GRID2: variants seen among roughly 807,000 people sequenced by gnomAD.
GRID2 encodes glutamate ionotropic receptor delta type subunit 2.
Under a neutral mutation model 114.8 loss-of-function variants are expected in GRID2, and 33 were observed. That is an observed-to-expected ratio of 0.29 (90% CI 0.22 to 0.38). The LOEUF (loss-of-function observed/expected upper bound fraction) is 0.38. Among genes scored for constraint, GRID2 ranks in the 10% least tolerant of loss-of-function variants. The pLI is 1.00. For missense variants in GRID2, 1,184 were observed against 1,257.7 expected (o/e 0.94, Z 0.89); for synonymous variants, 505 against 449.9 (o/e 1.12, Z -1.55).
At chr4:93,302,693 A>G (rs1755005421) in intron 8 of GRID2, 1 of 425,146 alleles carries the variant, frequency 2.4e-6, no homozygotes, top group Non-Finnish European at 4.7e-6. Context: ...AGGCTACTTT[A>G]TTGAAAGTGG....
chr4:93,366,856 A>G (rs911433083), intron 8 of GRID2, among the ~76,000 whole-genome samples: 1 of 152,042 alleles, frequency 6.6e-6, no homozygotes, highest in Non-Finnish European at 1.5e-5. Flanking sequence ...AAAATATATT[A>G]TATAGGGAGA....
intron 8 of GRID2, among the ~76,000 whole-genome samples, chr4:93,370,967 T>C (rs1410892898): frequency 6.6e-6 from 1 of 152,194 alleles, no homozygotes; most frequent in Admixed American, 6.5e-5. Context: ...TATATCTGTT[T>C]TATAATCATA....
intron 13 of GRID2, among the ~76,000 whole-genome samples, chr4:93,618,747 C>T (rs1191862070): frequency 1.3e-5 from 2 of 152,220 alleles, no homozygotes; most frequent in Non-Finnish European, 2.9e-5. Context: ...GCAGGTTGCA[C>T]TTGTTTTCGC....
At chr4:92,457,246 GA>G (rs1269979346) in intron 1 of GRID2, among the ~76,000 whole-genome samples, 2 of 152,018 alleles carry the variant, frequency 1.3e-5, no homozygotes, top group African/African-American at 4.8e-5. Flanking sequence ...TTACCCATAT[GA>G]AAAATCACTG....
chr4:92,527,246 A>G (rs966816005), intron 1 of GRID2, among the ~76,000 whole-genome samples: 2 of 152,138 alleles, frequency 1.3e-5, no homozygotes, highest in African/African-American at 4.8e-5. Context: ...ATTTGAATAA[A>G]TGATTCTGAT....
chr4:93,274,306 C>T (rs1258815539), intron 8 of GRID2, among the ~76,000 whole-genome samples: 1 of 152,022 alleles, frequency 6.6e-6, no homozygotes, highest in East Asian at 1.9e-4. Flanking sequence ...TTCGGTTACA[C>T]CAAAGGCACT....
intron 2 of GRID2, among the ~76,000 whole-genome samples, chr4:92,666,650 G>GTTTTTTGTTTTTTTT (rs1286942855): frequency 1.5e-4 from 10 of 68,600 alleles, no homozygotes; most frequent in African/African-American, 5.2e-4. Context: ...CTTAAGGGTT[G>GTTTTTTGTTTTTTTT]TTTTTTTTTT....
chr4:93,759,204 TGCTAATTTGATTTTTTAA>T (rs1733005773), intron 14 of GRID2, among the ~76,000 whole-genome samples: 1 of 152,186 alleles, frequency 6.6e-6, no homozygotes, highest in African/African-American at 2.4e-5. Context: ...TCCGTCATGT[TGCTAATTTGATTTTTTAA>T]GCAATTGCTT....
At chr4:92,740,626 T>C (rs1240073375) in intron 2 of GRID2, among the ~76,000 whole-genome samples, 1 of 152,182 alleles carries the variant, frequency 6.6e-6, no homozygotes, top group Non-Finnish European at 1.5e-5. Context: ...CTTTATTTTC[T>C]ACTAAATTTT....
intron 2 of GRID2, among the ~76,000 whole-genome samples, chr4:92,903,537 T>C (rs1747736428): frequency 6.6e-6 from 1 of 151,940 alleles, no homozygotes; most frequent in Non-Finnish European, 1.5e-5. Flanking sequence ...AAATTTCAAA[T>C]GGTTAAATGT....
chr4:93,755,507 A>G (rs1325902657), intron 14 of GRID2, among the ~76,000 whole-genome samples: 1 of 152,216 alleles, frequency 6.6e-6, no homozygotes, highest in African/African-American at 2.4e-5. Context: ...GATAGCTAAC[A>G]CTTCTAGCTT....
At chr4:92,685,867 C>T (rs919809375) in intron 2 of GRID2, among the ~76,000 whole-genome samples, 10 of 151,998 alleles carry the variant, frequency 6.6e-5, no homozygotes, top group Admixed American at 6.5e-4. Context: ...ATTTTCAAAA[C>T]AGTCCAACCC....
chr4:93,045,725 A>G (rs1284823405), intron 2 of GRID2, among the ~76,000 whole-genome samples: 1 of 152,150 alleles, frequency 6.6e-6, no homozygotes, highest in Non-Finnish European at 1.5e-5. Flanking sequence ...AGCGTTACAG[A>G]CCAAAATACC....
At chr4:93,729,413 C>T (rs956854677) in intron 14 of GRID2, among the ~76,000 whole-genome samples, 1 of 152,188 alleles carries the variant, frequency 6.6e-6, no homozygotes, top group Non-Finnish European at 1.5e-5. Flanking sequence ...ACTGGAATAA[C>T]ACCACCTCTA....
chr4:93,623,815 T>A (rs1412698817), intron 13 of GRID2, among the ~76,000 whole-genome samples: 1 of 152,188 alleles, frequency 6.6e-6, no homozygotes, highest in Non-Finnish European at 1.5e-5. Context: ...AATTATTAAT[T>A]TTTTAATTTT....
rs560796621 is a variant in GRID2, at chr4:92,824,234, T to C, written c.244+233948T>C. 1.4e-4 allele frequency among the ~76,000 whole-genome samples: 21 copies of C among 152,298 alleles called. No homozygotes were observed. The East Asian group carries it at 4.1e-3, about 29-fold the overall frequency. On this transcript the variant is annotated intron_variant, in intron 2 of 15. Coordinates refer to ENST00000282020, the MANE Select transcript of GRID2 (RefSeq NM_001510.4). ...TATAAATAGAATCCATAAAATATCA[T>C]TAGGTTCTTATATTTGTTGGAGGTT...
chr4:93,297,597 A>T (rs1256164061), intron 8 of GRID2, among the ~76,000 whole-genome samples: 1 of 152,156 alleles, frequency 6.6e-6, no homozygotes, highest in East Asian at 1.9e-4. Context: ...ATCTTGAAGT[A>T]ATTATTTTAT....
At chr4:93,018,190 A>G (rs770193155) in intron 2 of GRID2, among the ~76,000 whole-genome samples, 5 of 146,630 alleles carry the variant, frequency 3.4e-5, no homozygotes, top group Non-Finnish European at 7.4e-5. Flanking sequence ...TAATTGTTTT[A>G]TTTTAATTTT....
chr4:93,190,711 G>T lies in GRID2; in HGVS notation c.736-16693G>T, dbSNP rs201711876. On this transcript the variant is annotated intron_variant, in intron 4 of 15. Transcript: ENST00000282020. ...TACACAATTTAGCAATATGACCTAC[G>T]CTATTTCCTAGCTTTAGAGCTAGAT... 3.9e-5 allele frequency among the ~76,000 whole-genome samples: 6 copies of T among 152,100 alleles called. No individual in the cohort carries two copies. In the East Asian group the frequency reaches 1.2e-3, roughly 29 times the overall value.
Sources: gnomAD v4.1 joint callset for allele counts (sites outside exome capture counted in the v4.1 genomes callset) on GRCh38, gnomAD v4.1.1 for gene constraint, MANE v1.5 for transcripts, NCBI Gene and HGNC (gene_info 2026-07-23, HGNC 2026-07-21) for gene names.